Variants in FOXP2 observed in about 807,000 individuals in gnomAD.
FOXP2 encodes the protein forkhead box P2, also known as forkhead box protein P2.
In FOXP2, 12 loss-of-function variants were observed where a neutral mutation model predicts 115.8. The observed-to-expected ratio is 0.10, with a 90% CI of 0.07 to 0.17. The LOEUF (loss-of-function observed/expected upper bound fraction) is 0.17. Ranked by LOEUF, FOXP2 falls within the 10% of genes least tolerant of loss-of-function variation. The pLI is 1.00. For synonymous variants in FOXP2, 328 were observed against 297.7 expected (o/e 1.10, Z -1.05); for missense variants, 629 against 843.5 (o/e 0.75, Z 3.15).
chr7:114,334,642 G>GAA (rs79290508), intron 2 of FOXP2, among the ~76,000 whole-genome samples: 20 of 148,716 alleles, frequency 1.3e-4, no homozygotes, highest in African/African-American at 3.7e-4. Flanking sequence ...AAAGAAGAAG[G>GAA]AAAAAAAACC....
At chr7:114,583,749 G>A (rs755341314) in intron 3 of FOXP2, among the ~76,000 whole-genome samples, 43 of 152,234 alleles carry the variant, frequency 2.8e-4, no homozygotes, top group East Asian at 1.4e-3. Flanking sequence ...AGTATATTCC[G>A]TCCAAATATT....
At chr7:114,640,486 T>G (rs1408259222) in intron 6 of FOXP2, among the ~76,000 whole-genome samples, 2 of 152,208 alleles carry the variant, frequency 1.3e-5, no homozygotes, top group Admixed American at 6.5e-5. Context: ...AATGCTGTGA[T>G]GAATAATATA....
intron 8 of FOXP2, chr7:114,645,128 TAATATATATA>T (rs1805807420): frequency 1.2e-5 from 1 of 84,706 alleles, no homozygotes; most frequent in South Asian, 4.0e-4. Context: ...TGAGTCATCC[TAATATATATA>T]TATATATATA....
At position 114,581,930 on chromosome 7, in the gene FOXP2, G is replaced by A. The variant is rs554198358; in HGVS notation, c.259-46610G>A. On this transcript the variant is annotated intron_variant, in intron 3 of 16. Coordinates refer to ENST00000350908, the MANE Select transcript of FOXP2 (RefSeq NM_014491.4). ...AGTGTTTTCAATAGAATATACCATA[G>A]AGCAGTGATTTGAATGGTCACCAAG... is the stretch of plus-strand genomic sequence containing the variant. Among the ~76,000 whole-genome samples the A allele has an allele frequency of 8.5e-4, 129 of 152,286 alleles. 1 individual carries two copies. The highest frequency in any genetic ancestry group is 1.7e-3 in the South Asian group (8 of 4,822).
chr7:114,158,194 A>C (rs1421255810), upstream of FOXP2, among the ~76,000 whole-genome samples: 1 of 152,106 alleles, frequency 6.6e-6, no homozygotes, highest in Non-Finnish European at 1.5e-5. Context: ...TTGTATAGCA[A>C]AATATATTTA....
At chr7:114,259,813 T>C (rs569880080) in intron 1 of FOXP2, among the ~76,000 whole-genome samples, 1 of 152,316 alleles carries the variant, frequency 6.6e-6, no homozygotes, top group African/African-American at 2.4e-5. Flanking sequence ...TTAGGCATAA[T>C]ACATTTTAGA....
At chr7:114,334,372 C>T (rs373128097) in intron 2 of FOXP2, among the ~76,000 whole-genome samples, 288 of 123,010 alleles carry the variant, frequency 2.3e-3, no homozygotes, top group African/African-American at 7.2e-3. Flanking sequence ...CAAATTCAAA[C>T]TTCTGAGCTA....
At chr7:114,503,917 G>A (rs929792498) in intron 2 of FOXP2, among the ~76,000 whole-genome samples, 5 of 151,124 alleles carry the variant, frequency 3.3e-5, no homozygotes, top group African/African-American at 1.2e-4. Context: ...TTATTGATTT[G>A]TAGATGAATA....
intron 16 of FOXP2, among the ~76,000 whole-genome samples, chr7:114,687,377 C>T (rs1347693937): frequency 6.6e-6 from 1 of 152,166 alleles, no homozygotes; most frequent in Non-Finnish European, 1.5e-5. Flanking sequence ...GCAAGTGTCT[C>T]ATTCCAATTG....
chr7:114,104,207 T>C (rs1791057739), intron 1 of FOXP2, among the ~76,000 whole-genome samples: 1 of 152,000 alleles, frequency 6.6e-6, no homozygotes, highest in South Asian at 2.1e-4. Context: ...AAATACAGCC[T>C]AATCTCTTTT....
intron 1 of FOXP2, among the ~76,000 whole-genome samples, chr7:114,197,296 G>A (rs1281285571): frequency 6.6e-6 from 1 of 152,224 alleles, no homozygotes; most frequent in African/African-American, 2.4e-5. Context: ...CGTAGACTGA[G>A]TAGTGTAAAC....
At chr7:114,431,864 A>AT (rs907135228) in intron 2 of FOXP2, among the ~76,000 whole-genome samples, 13 of 151,716 alleles carry the variant, frequency 8.6e-5, no homozygotes, top group East Asian at 3.9e-4. Flanking sequence ...GCAGGTGAGT[A>AT]TTTTTTTTAA....
chr7:114,369,955 AG>A (rs1791964703), intron 2 of FOXP2, among the ~76,000 whole-genome samples: 1 of 152,202 alleles, frequency 6.6e-6, no homozygotes, highest in South Asian at 2.1e-4. Flanking sequence ...AGATGTTGTA[AG>A]TATTATCACT....
intron 1 of FOXP2, among the ~76,000 whole-genome samples, chr7:114,112,750 T>A (rs985908860): frequency 2.6e-5 from 4 of 152,154 alleles, no homozygotes; most frequent in African/African-American, 9.7e-5. Flanking sequence ...GTGGGAAACC[T>A]CTGGAACTTC....
chr7:114,318,464 C>T (rs1390277978), intron 2 of FOXP2, among the ~76,000 whole-genome samples: 2 of 134,066 alleles, frequency 1.5e-5, no homozygotes, highest in African/African-American at 5.3e-5. Flanking sequence ...ATCTGACCTT[C>T]TTTATTCTAG....
At chr7:114,623,420 G>A (rs1384586821) in intron 3 of FOXP2, among the ~76,000 whole-genome samples, 1 of 151,836 alleles carries the variant, frequency 6.6e-6, no homozygotes, top group African/African-American at 2.4e-5. Context: ...AATCAAAGAG[G>A]GGAACTTTAG....
At chr7:114,379,809 A>G (rs1386648694) in intron 2 of FOXP2, among the ~76,000 whole-genome samples, 1 of 152,182 alleles carries the variant, frequency 6.6e-6, no homozygotes, top group Non-Finnish European at 1.5e-5. Flanking sequence ...TCCAGTAAAT[A>G]ATAATTTGGC....
chr7:114,560,274 C>A (rs1299234832), intron 3 of FOXP2, among the ~76,000 whole-genome samples: 7 of 152,046 alleles, frequency 4.6e-5, no homozygotes, highest in Admixed American at 1.3e-4. Context: ...TCTGATTATA[C>A]AAGCTGATAT....
intron 1 of FOXP2, among the ~76,000 whole-genome samples, chr7:114,164,853 A>G (rs1313073528): frequency 6.6e-6 from 1 of 152,152 alleles, no homozygotes; most frequent in Non-Finnish European, 1.5e-5. Flanking sequence ...GTTCACAGAA[A>G]AATCTTGGTG....
Sources: allele counts gnomAD v4.1 joint callset (sites outside exome capture counted in the v4.1 genomes callset), GRCh38; gene constraint gnomAD v4.1.1; transcripts MANE v1.5; gene names NCBI Gene and HGNC (gene_info 2026-07-23, HGNC 2026-07-21).